LTO1: variants seen among roughly 807,000 people sequenced by gnomAD.
The protein encoded by LTO1 is LTO1 maturation factor of ABCE1.
A neutral mutation model predicts 19.8 loss-of-function variants in LTO1; 18 were observed. That is an observed-to-expected ratio of 0.91 (90% CI 0.63 to 1.35). The LOEUF (loss-of-function observed/expected upper bound fraction) is 1.35, where lower values mean the gene tolerates loss of function less well. LTO1 is among the 40% of genes most tolerant of loss of function. The pLI is 0.00. For synonymous variants in LTO1, 59 were observed against 59.6 expected, an observed-to-expected ratio of 0.99 and a Z score of 0.05; for missense variants, 175 against 167.9, an observed-to-expected ratio of 1.04 and a Z score of -0.23.
rs183225041 is a variant in LTO1 at position 69,668,057 on chromosome 11, A to G, written c.228-45T>C. ...AGACTCTCAGTCATGTGCACACAAC[A>G]GGCTCAACTTACACAACAGCTATGC... On this transcript the variant is annotated intron_variant, in intron 3 of 4. Coordinates refer to ENST00000279147, the MANE Select transcript of LTO1 (RefSeq NM_153451.3). The G allele has an allele frequency of 1.2e-5, 11 of 942,170 alleles. No individual in the cohort carries two copies. The African/African-American group carries it at 1.8e-4, about 15-fold the overall frequency. The allele number at this position is 942,170 out of a possible 1,614,324, so 58.4% of individuals were successfully genotyped here.
chr11:69,671,907 C>A, intron 2 of LTO1, 88 bp from the exon 3 acceptor site: 1 of 800,586 alleles, frequency 1.2e-6, no homozygotes, highest in Non-Finnish European at 2.2e-6. Flanking sequence ...AAGGTGGGGG[C>A]AGAAGGCAGC....
rs77570546 is a variant in LTO1 at position 69,667,456 on chromosome 11, A to G, written c.*63T>C. On this transcript the variant is annotated 3_prime_UTR_variant, in exon 5 of 5. Coordinates refer to ENST00000279147, the MANE Select transcript of LTO1 (RefSeq NM_153451.3). Reference sequence around the variant, plus strand: ...CCAGCACCGTCTGGCCCTTCACCGCATTTCTAAACACGTCACACACACATC... The same window carrying G: ...CCAGCACCGTCTGGCCCTTCACCGCGTTTCTAAACACGTCACACACACATC... The G allele has an allele frequency of 0.019, 20,927 of 1,123,376 alleles. 272 individuals are homozygous for G. The highest frequency in any genetic ancestry group is 0.024 in the Non-Finnish European group (17,567 of 734,464). 69.6% of individuals were successfully genotyped at this position (1,123,376 alleles called of 1,614,324 possible). A position where few individuals can be genotyped will look rare whatever the true frequency, so the allele number is the denominator to read the frequency against.
At chr11:69,671,085 G>A (rs1856101936) in intron 3 of LTO1, among the ~76,000 whole-genome samples, 1 of 152,088 alleles carries the variant, frequency 6.6e-6, no homozygotes, top group Admixed American at 6.5e-5. Flanking sequence ...ATTTTTAGTA[G>A]AGACAGGGTT....
rs1856045687 is a variant in LTO1, at chr11:69,667,271, T to C, written c.*248A>G. 3.7e-6 allele frequency: 2 copies of C among 542,782 alleles called. No homozygotes were observed. The highest frequency in any genetic ancestry group is 6.5e-6 in the Non-Finnish European group (2 of 308,050). The allele number at this position is 542,782 out of a possible 1,614,324, so 33.6% of individuals were successfully genotyped here. On this transcript the variant is annotated 3_prime_UTR_variant, in exon 5 of 5. Coordinates refer to ENST00000279147, the MANE Select transcript of LTO1 (RefSeq NM_153451.3). ...GCTGCCGGAGAGGCTGTCAAGTCAA[T>C]GCACGAGGGCTCTGCCAGGGACGGC...
At chr11:69,675,074 A>G (rs1856170412) in intron 1 of LTO1, 116 bp downstream of exon 1, 2 of 894,408 alleles carry the variant, frequency 2.2e-6, no homozygotes, top group Non-Finnish European at 1.8e-6. Context: ...GGCGCTCCCC[A>G]ATGCGCACGC....
chr11:69,667,158 A>G lies in LTO1; in HGVS notation c.*361T>C, dbSNP rs1430978445. ...AACCATCTCTCTCATTGCAAATAAT[A>G]ATAATAATAAAAATAACTGCCTTCA... On this transcript the variant is annotated 3_prime_UTR_variant, in exon 5 of 5. Transcript: ENST00000279147. 1 of 216,012 alleles carries G rather than the reference A, an allele frequency of 4.6e-6. No individual in the cohort carries two copies. Among genetic ancestry groups the G allele is most frequent in the Non-Finnish European group, 9.0e-6 (1 of 110,794 alleles). 13.4% of individuals were successfully genotyped at this position (216,012 alleles called of 1,614,324 possible). A position where few individuals can be genotyped will look rare whatever the true frequency, so the allele number is the denominator to read the frequency against.
intron 1 of LTO1, chr11:69,674,428 A>G: frequency 3.9e-6 from 1 of 257,056 alleles, no homozygotes; most frequent in Non-Finnish European, 7.8e-6. Context: ...CAAACATGCA[A>G]GGAGTGGGCT....
At chr11:69,670,167 G>A (rs978258602) in intron 3 of LTO1, among the ~76,000 whole-genome samples, 1 of 152,160 alleles carries the variant, frequency 6.6e-6, no homozygotes, top group Admixed American at 6.5e-5. Flanking sequence ...CCAGCCCCTC[G>A]TCAACCAAAG....
chr11:69,674,547 T>C (rs1856159712), intron 1 of LTO1: 1 of 350,532 alleles, frequency 2.9e-6, no homozygotes, highest in African/African-American at 2.1e-5. Context: ...TAGGATCCAC[T>C]TACTAAGTAG....
chr11:69,671,071 T>C (rs532208654), intron 3 of LTO1, among the ~76,000 whole-genome samples: 135 of 152,204 alleles, frequency 8.9e-4, no homozygotes, highest in African/African-American at 3.2e-3. Flanking sequence ...CGGCTAATTT[T>C]TGTATTTTTA....
At chr11:69,672,872 G>C in intron 2 of LTO1, 1 of 359,486 alleles carries the variant, frequency 2.8e-6, no homozygotes. Context: ...GCACGGTCCC[G>C]GCTTACCACA....
intron 2 of LTO1, chr11:69,672,735 G>A: frequency 3.6e-6 from 1 of 275,886 alleles, no homozygotes; most frequent in South Asian, 3.9e-5. Flanking sequence ...TCTTGGTTCT[G>A]TACTAAGAAT....
At chr11:69,674,653 C>A in intron 1 of LTO1, 1 of 379,618 alleles carries the variant, frequency 2.6e-6, no homozygotes, top group Non-Finnish European at 5.0e-6. Context: ...AAATGTTCGG[C>A]CGCTTTCTTA....
rs956073566 is a variant in LTO1, at chr11:69,666,994, G to C, written c.*525C>G. On this transcript the variant is annotated 3_prime_UTR_variant, in exon 5 of 5. Coordinates refer to ENST00000279147, the MANE Select transcript of LTO1 (RefSeq NM_153451.3). The stretch of plus-strand genomic sequence containing the variant: ...GTCTCCCCTCCCTCCTCTGTAAAAT[G>C]AGAATAACACCCATCTTGTGGGCTC... 2 of 152,798 alleles carry C rather than the reference G, an allele frequency of 1.3e-5. No homozygotes were observed. The highest frequency in any genetic ancestry group is 2.9e-5 in the Non-Finnish European group (2 of 68,580). The allele number at this position is 152,798 out of a possible 1,614,324, so 9.5% of individuals were successfully genotyped here.
intron 3 of LTO1, among the ~76,000 whole-genome samples, chr11:69,669,673 G>A (rs1026452134): frequency 4.6e-5 from 7 of 152,218 alleles, no homozygotes; most frequent in African/African-American, 1.4e-4. Flanking sequence ...GGCGGCACAC[G>A]TCAGGCAGGT....
Position 69,667,838 on chromosome 11 carries a change from G to C in LTO1, c.345+57C>G, listed in dbSNP as rs200732796. 2.4e-4 allele frequency: 222 copies of C among 944,140 alleles called. 1 individual carries two copies. Among genetic ancestry groups the C allele is most frequent in the Non-Finnish European group, 3.8e-4 (214 of 569,548 alleles). The allele number at this position is 944,140 out of a possible 1,614,324, so 58.5% of individuals were successfully genotyped here. A position where few individuals can be genotyped will look rare whatever the true frequency, so the allele number is the denominator to read the frequency against. ...AGCGGCCCCGGGAGTGCGCTGCCCC[G>C]CCTGGGAAAGGCGCAATCAGGTGCT... is the stretch of plus-strand genomic sequence containing the variant. On this transcript the variant is annotated intron_variant, in intron 4 of 4. Coordinates refer to ENST00000279147, the MANE Select transcript of LTO1 (RefSeq NM_153451.3).
rs1856066509 is a variant in LTO1 at position 69,668,656 on chromosome 11, A to C, written c.228-644T>G. On this transcript the variant is annotated intron_variant, in intron 3 of 4. Coordinates refer to ENST00000279147, the MANE Select transcript of LTO1 (RefSeq NM_153451.3). ...GGGGCATCCCAGCCTCCAGATGGTG[A>C]GAAATTAATTTCTGTTTTGTTTTTT... Among the ~76,000 whole-genome samples, 3 of 142,378 alleles carry C rather than the reference A, an allele frequency of 2.1e-5. No individual in the cohort carries two copies. The South Asian group carries it at 7.0e-4, about 33-fold the overall frequency. The allele number at this position is 142,378 out of a possible 152,430, so 93.4% of individuals were successfully genotyped here. A position where few individuals can be genotyped will look rare whatever the true frequency, so the allele number is the denominator to read the frequency against.
chr11:69,670,953 C>CGCAGTG (rs1856100528), intron 3 of LTO1, among the ~76,000 whole-genome samples: 1 of 152,088 alleles, frequency 6.6e-6, no homozygotes. Context: ...CAGGCTGGAG[C>CGCAGTG]GCAGTGGCAT....
At position 69,675,175 on chromosome 11, in the gene LTO1, G is replaced by A. The variant is rs1242245686; in HGVS notation, c.50+15C>T. On this transcript the variant is annotated intron_variant, in intron 1 of 4. Coordinates refer to ENST00000279147, the MANE Select transcript of LTO1 (RefSeq NM_153451.3). Reference sequence around the variant, plus strand: ...ACCAGACAGGGCGGGGTGCGGGCCCGGCCTCACCACCCACCTCTCATCCGC... The same window carrying A: ...ACCAGACAGGGCGGGGTGCGGGCCCAGCCTCACCACCCACCTCTCATCCGC... 2.0e-5 allele frequency: 31 copies of A among 1,587,588 alleles called. No individual in the cohort carries two copies. Among genetic ancestry groups the A allele is most frequent in the Admixed American group, 3.7e-5 (2 of 54,212 alleles).
Sources: allele counts gnomAD v4.1 joint callset (sites outside exome capture counted in the v4.1 genomes callset), GRCh38; gene constraint gnomAD v4.1.1; transcripts MANE v1.5; gene names NCBI Gene and HGNC (gene_info 2026-07-23, HGNC 2026-07-21).